The following EDA variants were observed in gnomAD, a reference collection of about 807,000 sequenced individuals.
The protein encoded by EDA is ectodysplasin A, also known as ectodysplasin-A.
A neutral mutation model predicts 23.6 loss-of-function variants in EDA; 2 were observed. That is an observed-to-expected ratio of 0.08 (90% CI 0.03 to 0.27). EDA has a LOEUF of 0.27. EDA is among the 10% of genes least tolerant of loss of function. EDA has a pLI of 1.00. For synonymous variants in EDA, 131 were observed against 132.0 expected (o/e 0.99, Z 0.05); for missense variants, 229 against 324.2 (o/e 0.71, Z 2.26).
intron 1 of EDA, among the ~76,000 whole-genome samples, chrX:69,751,584 G>C (rs1416188121): frequency 8.9e-6 from 1 of 111,910 alleles, no homozygotes; most frequent in Non-Finnish European, 1.9e-5. Flanking sequence ...TAGCTTGATG[G>C]GGATGGCATT....
chrX:69,718,442 C>A (rs963517436), intron 1 of EDA, among the ~76,000 whole-genome samples: 3 of 110,766 alleles, frequency 2.7e-5, no homozygotes, highest in African/African-American at 9.8e-5. Context: ...TTTGTAGATG[C>A]TTTTTATCAA....
At chrX:69,731,351 A>G in intron 1 of EDA, among the ~76,000 whole-genome samples, 1 of 112,274 alleles carries the variant, frequency 8.9e-6, no homozygotes. Flanking sequence ...AAATTATTTT[A>G]TCATGCTTAC....
intron 1 of EDA, among the ~76,000 whole-genome samples, chrX:69,691,945 A>G (rs978835003): frequency 8.9e-6 from 1 of 111,835 alleles, no homozygotes; most frequent in South Asian, 3.7e-4. Flanking sequence ...TTTCCTAAGT[A>G]TCTTTTGTCC....
At chrX:69,662,282 A>G (rs1435679277) in intron 1 of EDA, among the ~76,000 whole-genome samples, 1 of 111,741 alleles carries the variant, frequency 8.9e-6, no homozygotes, top group Non-Finnish European at 1.9e-5. Flanking sequence ...CATAATTCCC[A>G]CATATCATGG....
chrX:69,946,286 C>CT (rs1384917443), intron 1 of EDA, among the ~76,000 whole-genome samples: 2 of 111,473 alleles, frequency 1.8e-5, no homozygotes, highest in East Asian at 5.6e-4. Flanking sequence ...CCTATCCTGC[C>CT]TGACCTTTTC....
intron 1 of EDA, among the ~76,000 whole-genome samples, chrX:69,692,275 AG>A (rs1245432937): frequency 1.8e-5 from 2 of 111,635 alleles, no homozygotes; most frequent in Non-Finnish European, 3.8e-5. Flanking sequence ...GGTTATGATT[AG>A]GTTATGATAG....
chrX:69,770,453 A>G (rs1347644100), intron 1 of EDA, among the ~76,000 whole-genome samples: 1 of 111,781 alleles, frequency 8.9e-6, no homozygotes, highest in Non-Finnish European at 1.9e-5. Flanking sequence ...GTGATATCTC[A>G]TTGTGGTTTG....
chrX:69,910,078 A>T (rs977961706), intron 1 of EDA, among the ~76,000 whole-genome samples: 4 of 111,488 alleles, frequency 3.6e-5, no homozygotes, highest in Admixed American at 9.6e-5. Context: ...TTAAGCCCCT[A>T]CTATGTGTTA....
At chrX:69,686,075 C>A (rs1226028655) in intron 1 of EDA, among the ~76,000 whole-genome samples, 1 of 112,215 alleles carries the variant, frequency 8.9e-6, no homozygotes, top group Non-Finnish European at 1.9e-5. Context: ...GAGGCACGAA[C>A]TCGGCTCACT....
chrX:69,943,833 AG>A (rs1222751688), intron 1 of EDA, among the ~76,000 whole-genome samples: 1 of 109,973 alleles, frequency 9.1e-6, no homozygotes, highest in African/African-American at 3.3e-5. Context: ...CAGGAAGCAT[AG>A]GAACCTACTT....
At chrX:70,031,284 G>A (rs1000159277) in intron 6 of EDA, among the ~76,000 whole-genome samples, 1 of 112,032 alleles carries the variant, frequency 8.9e-6, no homozygotes, top group South Asian at 3.8e-4. Flanking sequence ...TAGGAGCCAG[G>A]ATTCAAAACT....
chrX:69,846,291 TTTG>T (rs1361675173), intron 1 of EDA, among the ~76,000 whole-genome samples: 2 of 109,660 alleles, frequency 1.8e-5, no homozygotes, highest in Non-Finnish European at 1.9e-5. Context: ...TTGTTTTTGG[TTTG>T]TTGTTGTTGT....
chrX:69,808,385 C>A (rs1308961450), intron 1 of EDA, among the ~76,000 whole-genome samples: 1 of 111,555 alleles, frequency 9.0e-6, no homozygotes, highest in East Asian at 2.8e-4. Flanking sequence ...TATCAGTACA[C>A]ATGGAGTATT....
At chrX:69,669,951 G>A (rs1176737781) in intron 1 of EDA, among the ~76,000 whole-genome samples, 4 of 111,751 alleles carry the variant, frequency 3.6e-5, no homozygotes, top group African/African-American at 1.3e-4. Context: ...AACAGTATTG[G>A]AATATTCTGG....
intron 1 of EDA, among the ~76,000 whole-genome samples, chrX:69,785,473 A>G (rs1217159786): frequency 9.4e-6 from 1 of 106,869 alleles, no homozygotes; most frequent in Non-Finnish European, 2.0e-5. Context: ...TCCCACCAAT[A>G]CCTAATTTAT....
At chrX:69,830,787 C>A (rs2016590540) in intron 1 of EDA, among the ~76,000 whole-genome samples, 1 of 111,586 alleles carries the variant, frequency 9.0e-6, no homozygotes, top group Non-Finnish European at 1.9e-5. Flanking sequence ...AAATGCCAGC[C>A]TGTGATAAGA....
chrX:69,785,101 G>A (rs1448302992), intron 1 of EDA, among the ~76,000 whole-genome samples: 15 of 104,046 alleles, frequency 1.4e-4, no homozygotes, highest in African/African-American at 5.3e-4. Context: ...TTTGTCTGTT[G>A]TTGGTGTATA....
chrX:70,018,593 A>T (rs2019986650), intron 2 of EDA, among the ~76,000 whole-genome samples: 1 of 112,180 alleles, frequency 8.9e-6, no homozygotes, highest in Admixed American at 9.4e-5. Flanking sequence ...GAAAGGACTT[A>T]CTATTCAATA....
intron 1 of EDA, among the ~76,000 whole-genome samples, chrX:69,763,929 C>T (rs1356169602): frequency 9.0e-6 from 1 of 111,463 alleles, no homozygotes; most frequent in African/African-American, 3.3e-5. Context: ...CTTTAGAAAA[C>T]CAGACTAGCG....
Sources: allele counts gnomAD v4.1 joint callset (sites outside exome capture counted in the v4.1 genomes callset), GRCh38; gene constraint gnomAD v4.1.1; transcripts MANE v1.5; gene names NCBI Gene and HGNC (gene_info 2026-07-23, HGNC 2026-07-21).